Variants in TMEM108 observed in about 807,000 individuals in gnomAD.
The protein encoded by TMEM108 is transmembrane protein 108.
TMEM108 carries 12 observed loss-of-function variants against 35.1 expected under a neutral mutation model. The observed-to-expected ratio is 0.34, with a 90% CI of 0.22 to 0.55. The LOEUF is 0.55. Ranked by LOEUF, TMEM108 falls within the 20% of genes least tolerant of loss-of-function variation. TMEM108 has a pLI of 0.89. For synonymous variants in TMEM108, 287 were observed against 308.6 expected (o/e 0.93, Z 0.73); for missense variants, 680 against 753.3 (o/e 0.90, Z 1.14).
chr3:133,306,117 G>T (rs891729188), intron 3 of TMEM108, among the ~76,000 whole-genome samples: 1 of 152,064 alleles, frequency 6.6e-6, no homozygotes, highest in Admixed American at 6.6e-5. Flanking sequence ...TATTGATAAA[G>T]TTCGATTTAT....
At chr3:133,315,229 A>G (rs1452288026) in intron 3 of TMEM108, among the ~76,000 whole-genome samples, 1 of 152,254 alleles carries the variant, frequency 6.6e-6, no homozygotes, top group African/African-American at 2.4e-5. Context: ...TGGTTGAAGA[A>G]GTAACCAGTG....
At chr3:133,155,069 T>G (rs964171165) in intron 2 of TMEM108, among the ~76,000 whole-genome samples, 4 of 152,264 alleles carry the variant, frequency 2.6e-5, no homozygotes, top group Middle Eastern at 3.4e-3. Context: ...CCGTGTGTTC[T>G]TATTATTTAG....
chr3:133,221,536 A>G (rs928562364), intron 2 of TMEM108, among the ~76,000 whole-genome samples: 2 of 151,702 alleles, frequency 1.3e-5, no homozygotes, highest in Admixed American at 6.6e-5. Context: ...CAGACTTACT[A>G]CTGTCACTTT....
At chr3:133,232,686 A>T (rs1216969468) in intron 3 of TMEM108, among the ~76,000 whole-genome samples, 1 of 152,240 alleles carries the variant, frequency 6.6e-6, no homozygotes, top group East Asian at 1.9e-4. Context: ...TTGGCAGGCA[A>T]TGCTATTGAG....
At chr3:133,085,703 C>T (rs893618471) in intron 2 of TMEM108, among the ~76,000 whole-genome samples, 2 of 151,994 alleles carry the variant, frequency 1.3e-5, no homozygotes, top group African/African-American at 2.4e-5. Flanking sequence ...TAAGATGTCC[C>T]ATTAAGGTGT....
chr3:133,329,760 C>T (rs1224749010), intron 3 of TMEM108, among the ~76,000 whole-genome samples: 2 of 152,122 alleles, frequency 1.3e-5, no homozygotes, highest in Non-Finnish European at 2.9e-5. Flanking sequence ...AGTGAAGACC[C>T]AGCACCCTGT....
chr3:133,308,070 C>T (rs1050855092), intron 3 of TMEM108, among the ~76,000 whole-genome samples: 1 of 152,078 alleles, frequency 6.6e-6, no homozygotes, highest in African/African-American at 2.4e-5. Flanking sequence ...TGAAGAGGTC[C>T]TTCACATCCC....
At position 133,179,131 on chromosome 3, in the gene TMEM108, G is replaced by A. The variant is rs957473668; in HGVS notation, c.-46-50135G>A. Among the ~76,000 whole-genome samples the A allele has an allele frequency of 1.8e-3, 270 of 149,510 alleles. 2 individuals carry two copies. Among genetic ancestry groups the A allele is most frequent in the African/African-American group, 6.3e-3 (257 of 40,650 alleles). On this transcript the variant is annotated intron_variant, in intron 2 of 5. Coordinates refer to ENST00000321871, the MANE Select transcript of TMEM108 (RefSeq NM_023943.4). ...ATACCATCTCACACCAGTTAGAATG[G>A]CGATCATTAAAAAGTCAGGAAACAA...
intron 2 of TMEM108, among the ~76,000 whole-genome samples, chr3:133,215,343 C>G (rs1191790581): frequency 6.8e-6 from 1 of 146,792 alleles, no homozygotes; most frequent in African/African-American, 2.5e-5. Context: ...AGTAAAATCA[C>G]CAACACAAAA....
intron 3 of TMEM108, among the ~76,000 whole-genome samples, chr3:133,300,191 T>G (rs953394373): frequency 2.6e-5 from 4 of 152,042 alleles, no homozygotes; most frequent in Admixed American, 6.5e-5. Flanking sequence ...GGGGGGTGGG[T>G]GGTGGTCCTG....
At chr3:133,251,715 C>T (rs1946474561) in intron 3 of TMEM108, among the ~76,000 whole-genome samples, 2 of 152,240 alleles carry the variant, frequency 1.3e-5, no homozygotes, top group South Asian at 4.1e-4. Context: ...TGTCTAGTCA[C>T]GTGGTCCTAT....
intron 3 of TMEM108, among the ~76,000 whole-genome samples, chr3:133,357,835 A>G (rs532702136): frequency 5.2e-4 from 79 of 152,308 alleles, no homozygotes; most frequent in African/African-American, 1.8e-3. Context: ...GGTACAGCAT[A>G]CACTGCTCGG....
intron 3 of TMEM108, among the ~76,000 whole-genome samples, chr3:133,299,613 C>G (rs1472892971): frequency 6.6e-6 from 1 of 152,176 alleles, no homozygotes; most frequent in Non-Finnish European, 1.5e-5. Context: ...GTCACAGGTC[C>G]TGATATCTCA....
chr3:133,208,214 C>T (rs907519330), intron 2 of TMEM108, among the ~76,000 whole-genome samples: 1 of 152,164 alleles, frequency 6.6e-6, no homozygotes, highest in Non-Finnish European at 1.5e-5. Context: ...GAGGTAGAAC[C>T]TGATCATTTT....
intron 2 of TMEM108, among the ~76,000 whole-genome samples, chr3:133,226,163 G>A (rs190461903): frequency 6.6e-6 from 1 of 152,344 alleles, no homozygotes; most frequent in African/African-American, 2.4e-5. Context: ...ATAGAAAGGA[G>A]TGTCTGGGTT....
chr3:133,264,601 C>G (rs907005519), intron 3 of TMEM108, among the ~76,000 whole-genome samples: 3 of 152,242 alleles, frequency 2.0e-5, no homozygotes, highest in South Asian at 2.1e-4. Context: ...GATTTGGTCA[C>G]AAATTCATCA....
At chr3:133,337,832 T>C (rs1396427103) in intron 3 of TMEM108, among the ~76,000 whole-genome samples, 1 of 152,122 alleles carries the variant, frequency 6.6e-6, no homozygotes, top group Non-Finnish European at 1.5e-5. Context: ...TTCAGAATTG[T>C]ATCAGATAAA....
chr3:133,098,940 A>T (rs1415402595), intron 2 of TMEM108, among the ~76,000 whole-genome samples: 2 of 152,074 alleles, frequency 1.3e-5, no homozygotes, highest in African/African-American at 4.8e-5. Flanking sequence ...GGTCTGGAGG[A>T]TGGTGGCCCT....
intron 2 of TMEM108, among the ~76,000 whole-genome samples, chr3:133,133,865 G>A (rs1052917585): frequency 1.4e-4 from 21 of 151,572 alleles, no homozygotes; most frequent in Non-Finnish European, 2.5e-4. Flanking sequence ...CCAGGTTCAC[G>A]CCATTCTCCT....
Sources: allele counts gnomAD v4.1 joint callset (sites outside exome capture counted in the v4.1 genomes callset), GRCh38; gene constraint gnomAD v4.1.1; transcripts MANE v1.5; gene names NCBI Gene and HGNC (gene_info 2026-07-23, HGNC 2026-07-21).